RGS7: variants seen among roughly 807,000 people sequenced by gnomAD.
RGS7 encodes the protein regulator of G protein signaling 7, also known as regulator of G-protein signaling 7.
RGS7 carries 27 observed loss-of-function variants against 81.1 expected under a neutral mutation model. The ratio of observed to expected loss-of-function variants is 0.33; its 90% CI spans 0.25 to 0.46. The LOEUF is 0.46. RGS7 is among the 20% of genes least tolerant of loss of function. The pLI, the probability that RGS7 is intolerant of heterozygous loss-of-function variation, is 1.00. For missense variants in RGS7, 396 were observed against 607.4 expected (o/e 0.65, Z 3.66); for synonymous variants, 208 against 207.7 (o/e 1.00, Z -0.01).
chr1:241,232,848 T>C (rs2075742988), intron 2 of RGS7, among the ~76,000 whole-genome samples: 1 of 152,214 alleles, frequency 6.6e-6, no homozygotes, highest in Non-Finnish European at 1.5e-5. Flanking sequence ...TTTCAGTGTG[T>C]ACTTCTTGCA....
intron 2 of RGS7, among the ~76,000 whole-genome samples, chr1:241,288,604 G>A (rs2078939774): frequency 6.6e-6 from 1 of 152,102 alleles, no homozygotes. Context: ...GATGGAAAAA[G>A]GTGCTTTGCT....
chr1:241,245,394 C>T (rs77037887), intron 2 of RGS7, among the ~76,000 whole-genome samples: 6 of 152,000 alleles, frequency 3.9e-5, no homozygotes, highest in South Asian at 4.2e-4. Context: ...ACTTCCCCTT[C>T]GCCTTCCACC....
At chr1:240,906,531 T>C (rs1670847854) in intron 6 of RGS7, among the ~76,000 whole-genome samples, 1 of 152,100 alleles carries the variant, frequency 6.6e-6, no homozygotes, top group African/African-American at 2.4e-5. Flanking sequence ...AAAACAGAAA[T>C]AAGTATAAGC....
In RGS7 at chr1:241,030,389, T is replaced by TAC. The variant is rs1323909819; in HGVS notation, c.176-47262_176-47261dup. Among the ~76,000 whole-genome samples the TAC allele has an allele frequency of 1.1e-4, 15 of 138,536 alleles. No individual in the cohort carries two copies. The South Asian group carries it at 2.1e-3, about 19-fold the overall frequency. The allele number at this position is 138,536 out of a possible 152,430, so 90.9% of individuals were successfully genotyped here. ...ATATATATATACATACACACATACA[T>TAC]ACACACACACACTATATACACATAT... On this transcript the variant is annotated intron_variant, in intron 3 of 18. Transcript: ENST00000440928.
intron 3 of RGS7, among the ~76,000 whole-genome samples, chr1:240,990,321 G>C (rs1229444789): frequency 6.6e-6 from 1 of 152,132 alleles, no homozygotes; most frequent in Non-Finnish European, 1.5e-5. Flanking sequence ...AGGAAAAGTG[G>C]AATTCAAAAG....
chr1:241,103,144 C>CAT (rs998874827), intron 2 of RGS7, among the ~76,000 whole-genome samples: 4 of 151,942 alleles, frequency 2.6e-5, no homozygotes, highest in East Asian at 1.9e-4. Context: ...TCAAGTATCC[C>CAT]ATATATATAT....
At chr1:241,327,138 G>GA (rs747225305) in intron 2 of RGS7, among the ~76,000 whole-genome samples, 2,994 of 104,596 alleles carry the variant, frequency 0.029, 202 homozygotes, top group Non-Finnish European at 0.039. Context: ...AAGAAAGAAA[G>GA]AAAGAAAGGA....
chr1:240,889,917 CAAG>C (rs1233284710), intron 6 of RGS7, among the ~76,000 whole-genome samples: 1 of 152,094 alleles, frequency 6.6e-6, no homozygotes. Flanking sequence ...CGGATGCTAC[CAAG>C]AAGGTACAAA....
chr1:241,131,395 G>C lies in RGS7; in HGVS notation c.79-32633C>G, dbSNP rs374377121. 1.3e-4 allele frequency among the ~76,000 whole-genome samples: 20 copies of C among 152,252 alleles called. No homozygotes were observed. The East Asian group carries it at 3.9e-3, about 29-fold the overall frequency. On this transcript the variant is annotated intron_variant, in intron 2 of 18. Transcript: ENST00000440928. ...CCAACAGGACCAGTAAAAACAGACAGCTGGACCCAACTTCCAGAGTTGCCA... is the reference window on the plus strand; with the variant it reads ...CCAACAGGACCAGTAAAAACAGACACCTGGACCCAACTTCCAGAGTTGCCA...
intron 2 of RGS7, among the ~76,000 whole-genome samples, chr1:241,302,152 G>T (rs1016234724): frequency 6.6e-6 from 1 of 152,238 alleles, no homozygotes; most frequent in Non-Finnish European, 1.5e-5. Flanking sequence ...AGCAGCCAGC[G>T]TAGAGGCCCT....
chr1:241,328,044 T>C (rs2081723173), intron 2 of RGS7, among the ~76,000 whole-genome samples: 1 of 152,214 alleles, frequency 6.6e-6, no homozygotes, highest in Non-Finnish European at 1.5e-5. Context: ...TTAAATTACA[T>C]TTGATTTTAG....
Position 240,931,081 on chromosome 1 carries a change from C to T in RGS7, c.334-313G>A, listed in dbSNP as rs184852729. Among the ~76,000 whole-genome samples the T allele has an allele frequency of 3.1e-4, 47 of 151,922 alleles. 1 individual carries two copies. In the East Asian group the frequency reaches 8.9e-3, roughly 29 times the overall value. On this transcript the variant is annotated intron_variant, in intron 5 of 18. Transcript: ENST00000440928. ...GTATATTCAAGCAAAAAGTATTCAT[C>T]CACAGAGAGGACTGAAAGAGTATGT...
chr1:240,824,811 A>G (rs1340583102), intron 10 of RGS7, among the ~76,000 whole-genome samples: 1 of 152,232 alleles, frequency 6.6e-6, no homozygotes, highest in Non-Finnish European at 1.5e-5. Context: ...GGGAACTAAT[A>G]CAATAGAACT....
chr1:240,861,082 GAT>G (rs1662115845), intron 9 of RGS7, among the ~76,000 whole-genome samples: 1 of 152,164 alleles, frequency 6.6e-6, no homozygotes. Flanking sequence ...CTCTTCAAGA[GAT>G]CATGGTCTGA....
chr1:241,080,461 C>G (rs1013852202), intron 3 of RGS7, among the ~76,000 whole-genome samples: 1 of 151,908 alleles, frequency 6.6e-6, no homozygotes, highest in African/African-American at 2.4e-5. Flanking sequence ...AATTTTTTGG[C>G]CTTGCAATAG....
intron 4 of RGS7, among the ~76,000 whole-genome samples, chr1:240,940,966 G>A (rs1677489820): frequency 6.6e-6 from 1 of 152,152 alleles, no homozygotes; most frequent in Non-Finnish European, 1.5e-5. Context: ...ATGAGTATGA[G>A]TGAATTAGTA....
chr1:240,946,256 A>G (rs2148416851), intron 4 of RGS7, among the ~76,000 whole-genome samples: 1 of 152,132 alleles, frequency 6.6e-6, no homozygotes, highest in East Asian at 1.9e-4. Flanking sequence ...TCTGCTTGCT[A>G]ATTTCACTAT....
At chr1:240,779,058 ATG>A (rs1413603271) in intron 18 of RGS7, among the ~76,000 whole-genome samples, 3 of 151,668 alleles carry the variant, frequency 2.0e-5, no homozygotes, top group African/African-American at 7.3e-5. Flanking sequence ...CGAAGTGACC[ATG>A]TATGAGGGTG....
chr1:241,148,129 C>A (rs1244381250), intron 2 of RGS7, among the ~76,000 whole-genome samples: 1 of 144,320 alleles, frequency 6.9e-6, no homozygotes, highest in Non-Finnish European at 1.5e-5. Context: ...TGGCTCATTG[C>A]AGTATCTGCC....
Sources: gnomAD v4.1 joint callset for allele counts (sites outside exome capture counted in the v4.1 genomes callset) on GRCh38, gnomAD v4.1.1 for gene constraint, MANE v1.5 for transcripts, NCBI Gene and HGNC (gene_info 2026-07-23, HGNC 2026-07-21) for gene names.